The following HID1 variants were observed in gnomAD, a reference collection of about 807,000 sequenced individuals.
The protein encoded by HID1 is protein HID1.
HID1 carries 42 observed loss-of-function variants against 89.7 expected under a neutral mutation model. The ratio of observed to expected loss-of-function variants is 0.47; its 90% confidence interval spans 0.37 to 0.61. The LOEUF is 0.61. Among genes scored for constraint, HID1 ranks in the 20% least tolerant of loss-of-function variants. The pLI is 0.00. For missense variants in HID1, 854 were observed against 1,039.3 expected (o/e 0.82, Z 2.45); for synonymous variants, 442 against 433.8 (o/e 1.02, Z -0.24).
chr17:74,955,786 C>G lies in HID1; in HGVS notation c.1636+6G>C. 6.2e-7 allele frequency: 1 copy of G among 1,613,686 alleles called. No individual in the cohort carries two copies. The highest frequency in any genetic ancestry group is 8.5e-7 in the Non-Finnish European group (1 of 1,179,706). ...TGACCACCAGGGCCTCAGGCTGGTG[C>G]CTCACCATCAAACTGGTACTGGATG... On this transcript the variant is annotated splice_donor_region_variant and intron_variant, in intron 13 of 18. Coordinates refer to ENST00000425042, the MANE Select transcript of HID1 (RefSeq NM_030630.3).
rs1429347252 is a variant in HID1, at chr17:74,955,846, G to C, written c.1582C>G (p.Leu528Val). ...FLFSAAQNHH[L>V]VFFLLEVFNN... ...AAGACCTCCAGGAGGAAGAAGACCA[G>C]GTGGTGGTTCTGGGCGGCAGAGAAG... Residue 528 changes from leucine (L) to valine (V), a missense_variant, in exon 13 of 19, where the codon CTG becomes GTG. Physicochemically the swap from Leu to Val is conservative, Grantham distance 32. Transcript: ENST00000425042. 6.2e-7 allele frequency: 1 copy of C among 1,614,092 alleles called. No homozygotes were observed. Among genetic ancestry groups the C allele is most frequent in the African/African-American group, 1.3e-5 (1 of 74,926 alleles).
In HID1 at chr17:74,951,340, G is replaced by C; in HGVS notation, c.*230C>G. The C allele has an allele frequency of 1.7e-6, 1 of 585,184 alleles. No homozygotes were observed. The highest frequency in any genetic ancestry group is 3.0e-6 in the Non-Finnish European group (1 of 329,212). 36.2% of individuals were successfully genotyped at this position (585,184 alleles called of 1,614,324 possible). Reference sequence around the variant, plus strand: ...TTGGGGGCAGTGGTCTCTGGTGGGGGCATAGCCCCAGAGATGGGGCTCCTG... The same window carrying C: ...TTGGGGGCAGTGGTCTCTGGTGGGGCCATAGCCCCAGAGATGGGGCTCCTG... On this transcript the variant is annotated 3_prime_UTR_variant, in exon 19 of 19. Coordinates refer to ENST00000425042, the MANE Select transcript of HID1 (RefSeq NM_030630.3).
intron 1 of HID1, among the ~76,000 whole-genome samples, chr17:74,971,383 G>A (rs992839713): frequency 6.6e-6 from 1 of 152,242 alleles, no homozygotes; most frequent in African/African-American, 2.4e-5. Context: ...ATGGAGAGAA[G>A]TGCGGTCTGG....
intron 15 of HID1, 92 bp downstream of exon 15, chr17:74,953,453 C>T (rs2039337806): frequency 1.0e-6 from 1 of 1,002,492 alleles, no homozygotes; most frequent in African/African-American, 1.6e-5. Flanking sequence ...CTGCAGGTGA[C>T]CCCAGAGTGC....
intron 1 of HID1, among the ~76,000 whole-genome samples, chr17:74,967,093 G>A (rs2039574370): frequency 6.6e-6 from 1 of 151,896 alleles, no homozygotes. Flanking sequence ...ACAAAAATTA[G>A]CTGGGTGTGG....
chr17:74,963,952 G>A lies in HID1; in HGVS notation c.217-42C>T, dbSNP rs761247999. On this transcript the variant is annotated intron_variant, in intron 2 of 18. Coordinates refer to ENST00000425042, the MANE Select transcript of HID1 (RefSeq NM_030630.3). ...GAGCAGAGGGCAGGCTGGAAGGTGG[G>A]GAAAGGACCCTGGCACTTGGGGTCA... The A allele has an allele frequency of 3.1e-6, 5 of 1,608,776 alleles. No homozygotes were observed. The South Asian group carries it at 5.5e-5, about 18-fold the overall frequency.
rs2039441609 is a variant in HID1 at position 74,959,135 on chromosome 17, C to T, written c.1009-84G>A. On this transcript the variant is annotated intron_variant, in intron 8 of 18. Coordinates refer to ENST00000425042, the MANE Select transcript of HID1 (RefSeq NM_030630.3). The surrounding 1 kb of genome is among the most constrained non-coding windows in gnomAD (Gnocchi z 4.6). The stretch of plus-strand genomic sequence containing the variant: ...CCAGCCCAGGCCCCCAACAAATCCC[C>T]CCCTCCATCCCCCAGAGCCAGATCC... The T allele has an allele frequency of 1.4e-6, 2 of 1,399,448 alleles. No individual in the cohort carries two copies. The highest frequency in any genetic ancestry group is 2.4e-5 in the East Asian group (1 of 41,004). The allele number at this position is 1,399,448 out of a possible 1,614,324, so 86.7% of individuals were successfully genotyped here. A position where few individuals can be genotyped will look rare whatever the true frequency, so the allele number is the denominator to read the frequency against.
At chr17:74,963,988 C>G in intron 2 of HID1, 78 bp from the exon 3 acceptor site, 1 of 1,521,684 alleles carries the variant, frequency 6.6e-7, no homozygotes, top group Non-Finnish European at 9.0e-7. Flanking sequence ...GGGTGGGCAC[C>G]CAGGCTGCAG....
At position 74,958,550 on chromosome 17, in the gene HID1, G is replaced by A. The variant is rs1000601150; in HGVS notation, c.1241-72C>T. On this transcript the variant is annotated intron_variant, in intron 10 of 18. Transcript: ENST00000425042. This position sits in a 1 kb window ranked among gnomAD's most constrained non-coding sequence, Gnocchi z 5.2. Reference sequence around the variant, plus strand: ...GAGGGGCCCAGGCAGTGACCATTTTGGAGGCCTCCCTCCTAGGAGGTCAGA... The same window carrying A: ...GAGGGGCCCAGGCAGTGACCATTTTAGAGGCCTCCCTCCTAGGAGGTCAGA... The A allele has an allele frequency of 1.5e-5, 24 of 1,580,380 alleles. No individual in the cohort carries two copies. The highest frequency in any genetic ancestry group is 2.1e-5 in the Non-Finnish European group (24 of 1,161,422).
intron 3 of HID1, chr17:74,963,493 C>A (rs1475923161): frequency 3.6e-6 from 2 of 555,954 alleles, no homozygotes; most frequent in Non-Finnish European, 6.4e-6. Context: ...TGCCCAGTGA[C>A]CCCTGGCTCT....
rs752169984 is a variant in HID1, at chr17:74,951,670, C to T, written c.2304-37G>A. 6 of 1,590,656 alleles carry T rather than the reference C, an allele frequency of 3.8e-6. No individual in the cohort carries two copies. In the South Asian group the frequency reaches 6.8e-5, roughly 18 times the overall value. On this transcript the variant is annotated intron_variant, in intron 18 of 18. Transcript: ENST00000425042. ...ATGGGGGGTTACCCAGGTGCTGGGGCACCTTGCAGACAAGGCACCAGGAGG... is the reference window on the plus strand; with the variant it reads ...ATGGGGGGTTACCCAGGTGCTGGGGTACCTTGCAGACAAGGCACCAGGAGG...
Position 74,953,057 on chromosome 17 carries a change from C to T in HID1, c.2001G>A (p.Arg667=), listed in dbSNP as rs756174721. ...CACTGGCTGATGAGGTGGACGGTCG[C>T]CGCTGCTCCCTCCATGCCTGGCTGG... ...GEPSQAWREQ[R]RPSTSSASGQ... is the part of the protein sequence containing the mutation. Residue 667 remains arginine, a synonymous_variant, in exon 16 of 19, where the codon CGG becomes CGA. Transcript: ENST00000425042. The T allele has an allele frequency of 3.7e-6, 6 of 1,608,390 alleles. No individual in the cohort carries two copies. The Admixed American group carries it at 8.4e-5, about 23-fold the overall frequency.
At position 74,972,681 on chromosome 17, in the gene HID1, G is replaced by A. The variant is rs1445752950; in HGVS notation, c.-25C>T. The stretch of plus-strand genomic sequence containing the variant: ...TGTCTCTGGAGCCCGCTCCGGCCCG[G>A]CCCCCGCCCAGACTCCAACCCGGCT... On this transcript the variant is annotated 5_prime_UTR_variant, in exon 1 of 19. Coordinates refer to ENST00000425042, the MANE Select transcript of HID1 (RefSeq NM_030630.3). The surrounding 1 kb of genome is among the most constrained non-coding windows in gnomAD (Gnocchi z 6.4). 15 of 1,527,962 alleles carry A rather than the reference G, an allele frequency of 9.8e-6. No homozygotes were observed. Among genetic ancestry groups the A allele is most frequent in the African/African-American group, 1.4e-5 (1 of 70,080 alleles). 94.7% of individuals were successfully genotyped at this position (1,527,962 alleles called of 1,614,324 possible).
In HID1 at chr17:74,972,595, G is replaced by C; in HGVS notation, c.62C>G (p.Thr21Arg). 1 of 1,548,088 alleles carries C rather than the reference G, an allele frequency of 6.5e-7. No homozygotes were observed. The highest frequency in any genetic ancestry group is 1.2e-5 in the South Asian group (1 of 83,610). ...RKAVIQLTTK[T>R]QPVEATDDAF... ...GCCGGGGCCCCCGTGGCGCACCTGC[G>C]TCTTGGTGGTGAGCTGGATCACCGC... Residue 21 changes from threonine to arginine, a missense_variant, in exon 1 of 19, where the codon ACG (threonine) becomes AGG (arginine). By Grantham distance (71) the Thr-to-Arg change is moderately conservative. Coordinates refer to ENST00000425042, the MANE Select transcript of HID1 (RefSeq NM_030630.3). This position sits in a 1 kb window ranked among gnomAD's most constrained non-coding sequence, Gnocchi z 6.4.
At position 74,958,656 on chromosome 17, in the gene HID1, C is replaced by G. The variant is rs755916733; in HGVS notation, c.1240+17G>C. ...GCCAGGAAAGCCCCCAGCATCCCAC[C>G]CCCACCCTGGTCTTACACTGATCGG... On this transcript the variant is annotated intron_variant, in intron 10 of 18. Coordinates refer to ENST00000425042, the MANE Select transcript of HID1 (RefSeq NM_030630.3). This position sits in a 1 kb window ranked among gnomAD's most constrained non-coding sequence, Gnocchi z 5.2. 2 of 1,515,212 alleles carry G rather than the reference C, an allele frequency of 1.3e-6. No individual in the cohort carries two copies. Among genetic ancestry groups the G allele is most frequent in the South Asian group, 2.2e-5 (2 of 88,998 alleles). The allele number at this position is 1,515,212 out of a possible 1,614,324, so 93.9% of individuals were successfully genotyped here.
At chr17:74,963,648 A>G (rs1183127741) in intron 3 of HID1, 92 bp downstream of exon 3, 2 of 1,292,582 alleles carry the variant, frequency 1.5e-6, no homozygotes, top group Non-Finnish European at 2.1e-6. Flanking sequence ...CAAATCCCAG[A>G]AGAGGCTTGG....
chr17:74,952,068 G>T lies in HID1; in HGVS notation c.2145-5C>A, dbSNP rs568710457. On this transcript the variant is annotated splice_polypyrimidine_tract_variant and splice_region_variant and intron_variant, in intron 17 of 18. Coordinates refer to ENST00000425042, the MANE Select transcript of HID1 (RefSeq NM_030630.3). Reference sequence around the variant, plus strand: ...TCAGACTCATCCGTCAGGCCCCTGCGGGGAGAGGGGTATCTCCAGCACACT... The same window carrying T: ...TCAGACTCATCCGTCAGGCCCCTGCTGGGAGAGGGGTATCTCCAGCACACT... The T allele has an allele frequency of 1.9e-6, 3 of 1,555,242 alleles. No individual in the cohort carries two copies. In the East Asian group the frequency reaches 7.2e-5, roughly 37 times the overall value.
chr17:74,972,687 G>C lies in HID1; in HGVS notation c.-31C>G. ...TGGAGCCCGCTCCGGCCCGGCCCCCGCCCAGACTCCAACCCGGCTCCGGCT... is the reference window on the plus strand; with the variant it reads ...TGGAGCCCGCTCCGGCCCGGCCCCCCCCCAGACTCCAACCCGGCTCCGGCT... On this transcript the variant is annotated 5_prime_UTR_variant, in exon 1 of 19. Transcript: ENST00000425042. This position sits in a 1 kb window ranked among gnomAD's most constrained non-coding sequence, Gnocchi z 6.4. The C allele has an allele frequency of 1.3e-6, 2 of 1,523,998 alleles. No individual in the cohort carries two copies. Among genetic ancestry groups the C allele is most frequent in the Non-Finnish European group, 1.8e-6 (2 of 1,133,696 alleles). 94.4% of individuals were successfully genotyped at this position (1,523,998 alleles called of 1,614,324 possible). A position where few individuals can be genotyped will look rare whatever the true frequency, so the allele number is the denominator to read the frequency against.
At chr17:74,956,723 A>T (rs1172180581) in intron 12 of HID1, among the ~76,000 whole-genome samples, 2 of 152,100 alleles carry the variant, frequency 1.3e-5, no homozygotes, top group Non-Finnish European at 2.9e-5. Flanking sequence ...CCTAGCCACA[A>T]CCATCCTCTC....
Sources: gnomAD v4.1 joint callset for allele counts (sites outside exome capture counted in the v4.1 genomes callset) on GRCh38, gnomAD v4.1.1 for gene constraint, Gnocchi (gnomAD v3.1) non-coding constraint, MANE v1.5 for transcripts, NCBI Gene and HGNC (gene_info 2026-07-23, HGNC 2026-07-21) for gene names.